Variants in CREB5 observed in about 807,000 individuals in gnomAD.
The protein encoded by CREB5 is cAMP responsive element binding protein 5.
In CREB5, 19 loss-of-function variants were observed where a neutral mutation model predicts 57.1. The observed-to-expected ratio is 0.33, with a 90% CI of 0.23 to 0.49. The LOEUF (loss-of-function observed/expected upper bound fraction) is 0.49, where lower values mean the gene tolerates loss of function less well. Ranked by LOEUF, CREB5 falls within the 20% of genes least tolerant of loss-of-function variation. The probability of loss-of-function intolerance (pLI) is 0.99; values close to 1 mark genes in which losing one functional copy is unlikely to be tolerated. For synonymous variants in CREB5, 238 were observed against 238.3 expected, an observed-to-expected ratio of 1.00 and a Z score of 0.01; for missense variants, 579 against 671.6, an observed-to-expected ratio of 0.86 and a Z score of 1.52.
intron 5 of CREB5, among the ~76,000 whole-genome samples, chr7:28,605,673 T>G (rs1797104023): frequency 6.6e-6 from 1 of 152,166 alleles, no homozygotes; most frequent in South Asian, 2.1e-4. Context: ...GGTCTTGTTA[T>G]CAGAGTTGAA....
At chr7:28,671,779 A>G (rs1330219207) in intron 5 of CREB5, among the ~76,000 whole-genome samples, 1 of 152,198 alleles carries the variant, frequency 6.6e-6, no homozygotes, top group Non-Finnish European at 1.5e-5. Flanking sequence ...TGGGCAAGTT[A>G]CTTCACCTGT....
chr7:28,771,506 G>A (rs940745423), intron 7 of CREB5, among the ~76,000 whole-genome samples: 3 of 152,052 alleles, frequency 2.0e-5, no homozygotes, highest in African/African-American at 7.2e-5. Flanking sequence ...GAAAGACAAC[G>A]ATGCCTTCCT....
At chr7:28,612,667 ACT>A (rs913342700) in intron 5 of CREB5, among the ~76,000 whole-genome samples, 1 of 151,154 alleles carries the variant, frequency 6.6e-6, no homozygotes, top group Non-Finnish European at 1.5e-5. Flanking sequence ...CATGGGGGAA[ACT>A]CTGTATGAGA....
chr7:28,674,511 A>G (rs1800226418), intron 5 of CREB5, among the ~76,000 whole-genome samples: 2 of 152,136 alleles, frequency 1.3e-5, no homozygotes, highest in African/African-American at 4.8e-5. Flanking sequence ...TGAGATTTAC[A>G]CTGCCTATGG....
At chr7:28,783,854 A>G (rs1807141964) in intron 7 of CREB5, among the ~76,000 whole-genome samples, 1 of 152,190 alleles carries the variant, frequency 6.6e-6, no homozygotes, top group African/African-American at 2.4e-5. Flanking sequence ...CTTCTCATAG[A>G]TTTTCTTAAA....
At chr7:28,573,776 A>C (rs541592644) in intron 5 of CREB5, among the ~76,000 whole-genome samples, 1 of 152,318 alleles carries the variant, frequency 6.6e-6, no homozygotes, top group Non-Finnish European at 1.5e-5. Context: ...GCATCCTCAT[A>C]AGCATTTGAT....
intron 5 of CREB5, among the ~76,000 whole-genome samples, chr7:28,657,977 C>T (rs1799402423): frequency 6.6e-6 from 1 of 152,144 alleles, no homozygotes. Context: ...CTGCTGGTTC[C>T]ATTTCTCGTC....
chr7:28,418,503 A>G lies in CREB5; in HGVS notation c.3+5586A>G, dbSNP rs537192614. 3.2e-4 allele frequency among the ~76,000 whole-genome samples: 49 copies of G among 152,284 alleles called. No homozygotes were observed. In the South Asian group the frequency reaches 8.9e-3, roughly 28 times the overall value. ...GAGCCTCTGCATCCCCAAATTCATG[A>G]GTCATTTCACTCTGACCCTCTCTCT... On this transcript the variant is annotated intron_variant, in intron 1 of 10. Transcript: ENST00000357727.
intron 1 of CREB5, among the ~76,000 whole-genome samples, chr7:28,352,324 A>G (rs960540939): frequency 1.4e-4 from 21 of 152,348 alleles, no homozygotes; most frequent in African/African-American, 4.1e-4. Context: ...ATTGACATCA[A>G]GTATCAAGGG....
At chr7:28,313,409 T>C (rs1259408613) in intron 1 of CREB5, among the ~76,000 whole-genome samples, 2 of 152,234 alleles carry the variant, frequency 1.3e-5, no homozygotes, top group African/African-American at 2.4e-5. Flanking sequence ...ATTTTATTCA[T>C]CATAGTTTTA....
chr7:28,455,085 G>C (rs1281650727), intron 1 of CREB5, among the ~76,000 whole-genome samples: 1 of 152,168 alleles, frequency 6.6e-6, no homozygotes, highest in African/African-American at 2.4e-5. Flanking sequence ...AACAGCTTTT[G>C]ACAAAAGAAG....
intron 8 of CREB5, among the ~76,000 whole-genome samples, chr7:28,804,821 A>G (rs1036401379): frequency 5.1e-4 from 78 of 152,234 alleles, no homozygotes; most frequent in African/African-American, 1.9e-3. Context: ...TCTCAAAAGT[A>G]ATATGAATCA....
intron 1 of CREB5, among the ~76,000 whole-genome samples, chr7:28,484,103 G>C (rs1791459701): frequency 6.6e-6 from 1 of 152,078 alleles, no homozygotes; most frequent in African/African-American, 2.4e-5. Flanking sequence ...AGCAAAACTT[G>C]GTTCATTAAA....
chr7:28,666,088 T>G (rs1799812179), intron 5 of CREB5, among the ~76,000 whole-genome samples: 1 of 152,178 alleles, frequency 6.6e-6, no homozygotes, highest in Non-Finnish European at 1.5e-5. Flanking sequence ...CTGTGAATGT[T>G]GAGTTATAAG....
At chr7:28,386,771 T>C (rs1462699965) in intron 1 of CREB5, among the ~76,000 whole-genome samples, 1 of 152,206 alleles carries the variant, frequency 6.6e-6, no homozygotes, top group Non-Finnish European at 1.5e-5. Context: ...ATTCTTTCTT[T>C]AGTTTTGACT....
At position 28,815,982 on chromosome 7, in the gene CREB5, G is replaced by A. The variant is rs547981939; in HGVS notation, c.1255-2089G>A. 3.3e-5 allele frequency among the ~76,000 whole-genome samples: 5 copies of A among 151,652 alleles called. No individual in the cohort carries two copies. In the South Asian group the frequency reaches 6.2e-4, roughly 19 times the overall value. ...AGGGGGCAAGGTGTCTAGCAGTTTC[G>A]ATTTCAGAAAAGTGTTATTTCTGTA... On this transcript the variant is annotated intron_variant, in intron 9 of 10. Coordinates refer to ENST00000357727, the MANE Select transcript of CREB5 (RefSeq NM_182898.4).
chr7:28,667,598 G>T (rs1011700308), intron 5 of CREB5, among the ~76,000 whole-genome samples: 3 of 139,158 alleles, frequency 2.2e-5, no homozygotes, highest in Admixed American at 7.1e-5. Flanking sequence ...ATAAAAGAGA[G>T]AAAAGAAAAA....
rs1314317818 is a variant in CREB5 at position 28,560,891 on chromosome 7, T to TGCGTGCGCGTGCGTGCGTGC, written c.292-9473_292-9472insCGTGCGCGTGCGTGCGTGCG. 3.5e-4 allele frequency among the ~76,000 whole-genome samples: 7 copies of TGCGTGCGCGTGCGTGCGTGC among 19,726 alleles called. 1 individual carries two copies. The highest frequency in any genetic ancestry group is 6.6e-4 in the African/African-American group (3 of 4,538). The allele number at this position is 19,726 out of a possible 152,430, so 12.9% of individuals were successfully genotyped here. ...CTGCGTGCGCGTGCGTGCGTGCGTG[T>TGCGTGCGCGTGCGTGCGTGC]GTGTGCGTGCGCGCGTGCGTGTGCG... On this transcript the variant is annotated intron_variant, in intron 4 of 10. Transcript: ENST00000357727.
chr7:28,662,942 C>T (rs1486137539), intron 5 of CREB5, among the ~76,000 whole-genome samples: 2 of 151,868 alleles, frequency 1.3e-5, no homozygotes, highest in Non-Finnish European at 2.9e-5. Context: ...GTCAGGAGTT[C>T]GAGATCAGCT....
Sources: allele counts gnomAD v4.1 joint callset (sites outside exome capture counted in the v4.1 genomes callset), GRCh38; gene constraint gnomAD v4.1.1; transcripts MANE v1.5; gene names NCBI Gene and HGNC (gene_info 2026-07-23, HGNC 2026-07-21).